PSTPIP1: variants seen among roughly 807,000 people sequenced by gnomAD.
PSTPIP1 encodes the protein proline-serine-threonine phosphatase-interacting protein 1.
PSTPIP1 carries 66 observed loss-of-function variants against 69.6 expected under a neutral mutation model. The ratio of observed to expected loss-of-function variants is 0.95; its 90% CI spans 0.78 to 1.16. The LOEUF (loss-of-function observed/expected upper bound fraction) is 1.16, where lower values mean the gene tolerates loss of function less well. PSTPIP1 is among the 50% of genes most tolerant of loss of function. The probability of loss-of-function intolerance (pLI) is 0.00; values close to 1 mark genes in which losing one functional copy is unlikely to be tolerated. For missense variants in PSTPIP1, 603 were observed against 557.4 expected, an observed-to-expected ratio of 1.08 and a Z score of -0.82; for synonymous variants, 266 against 222.7, an observed-to-expected ratio of 1.19 and a Z score of -1.73.
At chr15:77,019,243 G>A (rs1037580706) in intron 3 of PSTPIP1, among the ~76,000 whole-genome samples, 4 of 152,306 alleles carry the variant, frequency 2.6e-5, no homozygotes, top group African/African-American at 7.2e-5. Context: ...GAGTGGAGGG[G>A]CTGCTCTGGG....
In PSTPIP1 at chr15:77,029,570, G is replaced by A. The variant is rs879254120; in HGVS notation, c.558G>A (p.Glu186=). 3.8e-6 allele frequency: 6 copies of A among 1,580,180 alleles called. No homozygotes were observed. In the African/African-American group the frequency reaches 5.4e-5, roughly 14 times the overall value. Residue 186 remains glutamate (E), a synonymous_variant, in exon 8 of 15, where the codon GAG becomes GAA. Transcript: ENST00000558012. The part of the protein sequence containing the change: ...KARQCKDSAT[E]AERVYRQSIA... ...GGCAGTGCAAGGACTCGGCCACCGAGGCAGGTATGTGGGCCTGGCTGCCCC... is the reference window on the plus strand; with the variant it reads ...GGCAGTGCAAGGACTCGGCCACCGAAGCAGGTATGTGGGCCTGGCTGCCCC...
Position 77,037,060 on chromosome 15 carries a change from G to T in PSTPIP1, c.1135G>T (p.Asp379Tyr). 1 of 1,612,246 alleles carries T rather than the reference G, an allele frequency of 6.2e-7. No homozygotes were observed. Among genetic ancestry groups the T allele is most frequent in the Non-Finnish European group, 8.5e-7 (1 of 1,179,642 alleles). The change falls in exon 15 of 15, where the codon GAC (aspartate) becomes TAC (tyrosine). Residue 379 changes from aspartate to tyrosine, a missense_variant. Coordinates refer to ENST00000558012, the MANE Select transcript of PSTPIP1 (RefSeq NM_003978.5). Reference protein sequence around the residue: ...DYTAQNPDELDLSAGDILEVI... With the variant: ...DYTAQNPDELYLSAGDILEVI... ...TCTTGGCCAGAACCCAGATGAGCTG[G>T]ACCTGTCCGCGGGAGACATCCTGGA...
rs199952167 is a variant in PSTPIP1 at position 77,018,267 on chromosome 15, CA to C, written c.137+20del. ...GGCAGAGGTGAGCTGCTGGGCAGGC[CA>C]TGGGGAGCGCAGGCAGGAAGCAGGT... is the stretch of plus-strand genomic sequence containing the variant. On this transcript the variant is annotated intron_variant, in intron 2 of 14. Coordinates refer to ENST00000558012, the MANE Select transcript of PSTPIP1 (RefSeq NM_003978.5). The C allele has an allele frequency of 1.2e-3, 1,827 of 1,562,454 alleles. 23 individuals are homozygous for C. In the African/African-American group the frequency reaches 0.022, roughly 19 times the overall value.
chr15:77,028,442 C>A, intron 6 of PSTPIP1, 112 bp from the exon 7 acceptor site: 2 of 889,972 alleles, frequency 2.2e-6, no homozygotes, highest in Non-Finnish European at 3.4e-6. Flanking sequence ...GCCCCCACTC[C>A]ACCCGCAACC....
At chr15:77,031,082 C>T (rs2076404270) in intron 9 of PSTPIP1, 98 bp from the exon 10 acceptor site, 1 of 1,205,514 alleles carries the variant, frequency 8.3e-7, no homozygotes, top group East Asian at 2.4e-5. Flanking sequence ...GCAGAGAGGG[C>T]TGGCCTGGTC....
chr15:77,011,866 G>A (rs971591512), intron 1 of PSTPIP1, among the ~76,000 whole-genome samples: 1 of 152,012 alleles, frequency 6.6e-6, no homozygotes, highest in Admixed American at 6.6e-5. Context: ...TCAGGCTCCT[G>A]GGAAGCCTTT....
intron 1 of PSTPIP1, among the ~76,000 whole-genome samples, chr15:77,004,450 G>A (rs1207288817): frequency 3.9e-5 from 6 of 152,188 alleles, no homozygotes; most frequent in African/African-American, 7.2e-5. Flanking sequence ...AACAGGAACG[G>A]GAAACAGCCA....
chr15:77,034,595 C>T (rs1038120539), intron 12 of PSTPIP1, among the ~76,000 whole-genome samples: 3 of 152,080 alleles, frequency 2.0e-5, no homozygotes, highest in Non-Finnish European at 4.4e-5. Flanking sequence ...TGGTCCACTC[C>T]ACTCCACAAA....
rs1207783811 is a variant in PSTPIP1, at chr15:77,025,617, C to G, written c.354+13C>G. 6.5e-7 allele frequency: 1 copy of G among 1,536,926 alleles called. No homozygotes were observed. The highest frequency in any genetic ancestry group is 1.4e-5 in the African/African-American group (1 of 72,850). Reference sequence around the variant, plus strand: ...GCAGAGGAAGAAGGTGAGGCAGGTGCAGGGGGCGGGGGAGCTGCTCCCCCA... The same window carrying G: ...GCAGAGGAAGAAGGTGAGGCAGGTGGAGGGGGCGGGGGAGCTGCTCCCCCA... On this transcript the variant is annotated intron_variant, in intron 5 of 14. Transcript: ENST00000558012.
intron 2 of PSTPIP1, 64 bp from the exon 3 acceptor site, chr15:77,018,393 A>C: frequency 6.5e-7 from 1 of 1,547,820 alleles, no homozygotes. Context: ...TGTTCCCTCA[A>C]ACCTGGGCCT....
chr15:77,037,462 T>C lies in PSTPIP1; in HGVS notation c.*286T>C, dbSNP rs79947875. Reference sequence around the variant, plus strand: ...CCCAACTCAGCCGAGGCTTCAGCTATAGTTGGAGAAGAGGCCTGGCCCCAG... The same window carrying C: ...CCCAACTCAGCCGAGGCTTCAGCTACAGTTGGAGAAGAGGCCTGGCCCCAG... On this transcript the variant is annotated 3_prime_UTR_variant, in exon 15 of 15. Transcript: ENST00000558012. The C allele has an allele frequency of 2.1e-3, 675 of 321,776 alleles. 4 individuals carry two copies. Among genetic ancestry groups the C allele is most frequent in the African/African-American group, 0.013 (629 of 47,184 alleles). The allele number at this position is 321,776 out of a possible 1,614,324, so 19.9% of individuals were successfully genotyped here.
intron 7 of PSTPIP1, 101 bp from the exon 8 acceptor site, chr15:77,029,428 C>T: frequency 7.1e-7 from 1 of 1,406,466 alleles, no homozygotes; most frequent in South Asian, 1.3e-5. Flanking sequence ...AATGTTCCCC[C>T]CAGGGTGGCC....
chr15:77,036,389 T>C (rs551658974), intron 14 of PSTPIP1, among the ~76,000 whole-genome samples: 1 of 152,134 alleles, frequency 6.6e-6, no homozygotes, highest in Admixed American at 6.5e-5. Context: ...TTCGTGGCCA[T>C]GGGTGTGGAA....
intron 1 of PSTPIP1, among the ~76,000 whole-genome samples, chr15:77,010,421 T>C (rs187760158): frequency 2.0e-5 from 3 of 152,222 alleles, no homozygotes; most frequent in Non-Finnish European, 4.4e-5. Context: ...CCTGGGAAGG[T>C]CCTGCCCTTT....
chr15:76,999,282 C>CT lies in PSTPIP1; in HGVS notation c.36+3687dup, dbSNP rs35274013. Among the ~76,000 whole-genome samples, 751 of 144,710 alleles carry CT rather than the reference C, an allele frequency of 5.2e-3. 2 individuals carry two copies. Among genetic ancestry groups the CT allele is most frequent in the South Asian group, 6.9e-3 (31 of 4,524 alleles). 94.9% of individuals were successfully genotyped at this position (144,710 alleles called of 152,430 possible). On this transcript the variant is annotated intron_variant, in intron 1 of 14. Transcript: ENST00000558012. Reference sequence around the variant, plus strand: ...TGAACCCATTTTTTACTTCATTTCACTTTTTTTTTTTTTTGAGAAAGAATC... The same window carrying CT: ...TGAACCCATTTTTTACTTCATTTCACTTTTTTTTTTTTTTTGAGAAAGAATC...
At position 77,028,569 on chromosome 15, in the gene PSTPIP1, G is replaced by A. The variant is rs765158033; in HGVS notation, c.433G>A (p.Glu145Lys). The A allele has an allele frequency of 6.2e-7, 1 of 1,602,070 alleles. No individual in the cohort carries two copies. Among genetic ancestry groups the A allele is most frequent in the Non-Finnish European group, 8.5e-7 (1 of 1,175,120 alleles). The stretch of plus-strand genomic sequence containing the variant: ...ACACCCCCAGTCCAAGAAGACATAC[G>A]AGCAGAAGTGCCGGGACGCGGACGA... The part of the protein sequence containing the change: ...KKAMESKKTY[E>K]QKCRDADDAE... The change falls in exon 7 of 15, where the codon GAG becomes AAG. Residue 145 changes from glutamate (E) to lysine (K), a missense_variant. Physicochemically the swap from Glu to Lys is moderately conservative, Grantham distance 56. Transcript: ENST00000558012.
In PSTPIP1 at chr15:77,027,662, ATT is replaced by A; in HGVS notation, c.355-189_355-188del. 1.5e-6 allele frequency: 1 copy of A among 688,510 alleles called. No individual in the cohort carries two copies. The highest frequency in any genetic ancestry group is 2.6e-6 in the Non-Finnish European group (1 of 379,746). The allele number at this position is 688,510 out of a possible 1,614,324, so 42.7% of individuals were successfully genotyped here. On this transcript the variant is annotated intron_variant, in intron 5 of 14. Transcript: ENST00000558012. This position sits in a 1 kb window ranked among gnomAD's most constrained non-coding sequence, Gnocchi z 4.3. ...CCTCACGGCACACCCATGCCCTGTGATTCTCTGTGGCCTTCCATTGTGAGGGT... is the reference window on the plus strand; with the variant it reads ...CCTCACGGCACACCCATGCCCTGTGACTCTGTGGCCTTCCATTGTGAGGGT...
At chr15:77,025,647 C>A in intron 5 of PSTPIP1, 43 bp downstream of exon 5, 1 of 1,492,208 alleles carries the variant, frequency 6.7e-7, no homozygotes, top group East Asian at 2.5e-5. Flanking sequence ...CCCCCATTGC[C>A]AGCCTCTCAG....
chr15:77,009,622 A>C (rs1393328734), intron 1 of PSTPIP1, among the ~76,000 whole-genome samples: 2 of 152,134 alleles, frequency 1.3e-5, no homozygotes, highest in African/African-American at 4.8e-5. Context: ...CTGCCCTTCC[A>C]GGAGCCCGGT....
Sources: allele counts gnomAD v4.1 joint callset (sites outside exome capture counted in the v4.1 genomes callset), GRCh38; gene constraint gnomAD v4.1.1; non-coding constraint Gnocchi (gnomAD v3.1); transcripts MANE v1.5; gene names NCBI Gene and HGNC (gene_info 2026-07-23, HGNC 2026-07-21).